EVA1A: variants seen among roughly 807,000 people sequenced by gnomAD.
EVA1A encodes the protein protein eva-1 homolog A.
EVA1A carries 7 observed loss-of-function variants against 9.8 expected under a neutral mutation model. The observed-to-expected ratio is 0.71, with a 90% confidence interval of 0.41 to 1.34. The LOEUF is 1.34. Among genes scored for constraint, EVA1A ranks in the 40% most tolerant of loss-of-function variants. The pLI, the probability that EVA1A is intolerant of heterozygous loss-of-function variation, is 0.01. For synonymous variants in EVA1A, 90 were observed against 85.6 expected (o/e 1.05, Z -0.28); for missense variants, 206 against 205.9 (o/e 1.00, Z 0.00).
At chr2:75,496,688 A>G (rs958698286) in intron 3 of EVA1A, among the ~76,000 whole-genome samples, 1 of 152,234 alleles carries the variant, frequency 6.6e-6, no homozygotes, top group South Asian at 2.1e-4. Context: ...AAATGATTCT[A>G]AAACTCATAT....
At chr2:75,511,264 G>A (rs1017389415) in intron 3 of EVA1A, among the ~76,000 whole-genome samples, 7 of 152,096 alleles carry the variant, frequency 4.6e-5, no homozygotes, top group African/African-American at 1.7e-4. Flanking sequence ...CACATACTTT[G>A]TTCCCACAGT....
intron 3 of EVA1A, among the ~76,000 whole-genome samples, chr2:75,501,188 T>A (rs1276810560): frequency 6.6e-6 from 1 of 152,174 alleles, no homozygotes; most frequent in Non-Finnish European, 1.5e-5. Context: ...TTCATGTTCA[T>A]CCCTGACTCC....
intron 3 of EVA1A, among the ~76,000 whole-genome samples, chr2:75,517,149 G>C (rs1236069846): frequency 6.6e-6 from 1 of 151,822 alleles, no homozygotes; most frequent in East Asian, 1.9e-4. Flanking sequence ...TTGGCTCATG[G>C]AACCCTCCAC....
intron 3 of EVA1A, among the ~76,000 whole-genome samples, chr2:75,516,886 A>G (rs527282758): frequency 2.8e-4 from 43 of 152,288 alleles, no homozygotes; most frequent in African/African-American, 6.0e-4. Flanking sequence ...GCCTTGAAGC[A>G]AGAGCAAAGA....
At chr2:75,561,041 G>C (rs1359705441), upstream of EVA1A, 3 of 150,242 alleles carry the variant, frequency 2.0e-5, no homozygotes, top group Non-Finnish European at 4.4e-5. Flanking sequence ...GCAAGCCAGC[G>C]GCCCATGTGG....
intron 1 of EVA1A, among the ~76,000 whole-genome samples, chr2:75,527,926 G>T (rs34403624): frequency 3.3e-5 from 5 of 152,190 alleles, no homozygotes; most frequent in Non-Finnish European, 5.9e-5. Context: ...GTCAGTGCCC[G>T]AAGTGAGGGG....
In EVA1A at chr2:75,493,160, T is replaced by C; in HGVS notation, c.*76A>G. On this transcript the variant is annotated 3_prime_UTR_variant, in exon 4 of 4. Transcript: ENST00000393913. ...ACAATATTAGCAGAGCTGGGTTCAG[T>C]TCCTTGTGCCCACTGTCCCTGCAGA... 6.6e-7 allele frequency: 1 copy of C among 1,521,304 alleles called. No individual in the cohort carries two copies. Among genetic ancestry groups the C allele is most frequent in the Non-Finnish European group, 8.8e-7 (1 of 1,133,590 alleles). 94.2% of individuals were successfully genotyped at this position (1,521,304 alleles called of 1,614,324 possible). A position where few individuals can be genotyped will look rare whatever the true frequency, so the allele number is the denominator to read the frequency against.
At chr2:75,528,488 T>C (rs546773645) in intron 1 of EVA1A, among the ~76,000 whole-genome samples, 1 of 152,260 alleles carries the variant, frequency 6.6e-6, no homozygotes, top group South Asian at 2.1e-4. Flanking sequence ...GTGAGGTCTG[T>C]CACTGCCGGC....
chr2:75,513,309 A>G (rs1208572258), intron 3 of EVA1A, among the ~76,000 whole-genome samples: 1 of 152,194 alleles, frequency 6.6e-6, no homozygotes, highest in African/African-American at 2.4e-5. Context: ...GCAAATTTTC[A>G]GTATACTATA....
At chr2:75,551,366 A>G (rs887674290) in intron 1 of EVA1A, among the ~76,000 whole-genome samples, 1 of 152,176 alleles carries the variant, frequency 6.6e-6, no homozygotes, top group Admixed American at 6.5e-5. Flanking sequence ...CAAGTCGTCA[A>G]TAGCTTTGGA....
chr2:75,535,431 A>T (rs1321445029), intron 1 of EVA1A, among the ~76,000 whole-genome samples: 6 of 152,200 alleles, frequency 3.9e-5, no homozygotes, highest in African/African-American at 1.4e-4. Context: ...AAGCAATCCC[A>T]CTACTGGGTA....
chr2:75,518,888 A>G (rs1320278502), intron 2 of EVA1A: 1 of 983,258 alleles, frequency 1.0e-6, no homozygotes, highest in Non-Finnish European at 1.2e-6. Flanking sequence ...GAACTGCCAA[A>G]GCAGTTCTCA....
At chr2:75,529,356 C>A (rs2103886303) in intron 1 of EVA1A, among the ~76,000 whole-genome samples, 1 of 152,254 alleles carries the variant, frequency 6.6e-6, no homozygotes, top group East Asian at 1.9e-4. Flanking sequence ...AGAATGTCAA[C>A]AAAGAAACAA....
chr2:75,498,090 T>C (rs922838544), intron 3 of EVA1A, among the ~76,000 whole-genome samples: 2 of 152,022 alleles, frequency 1.3e-5, no homozygotes, highest in African/African-American at 4.8e-5. Context: ...TAGGTGCCCA[T>C]CAAGAGAGGA....
At chr2:75,514,581 C>T (rs952661865) in intron 3 of EVA1A, among the ~76,000 whole-genome samples, 1 of 151,922 alleles carries the variant, frequency 6.6e-6, no homozygotes, top group African/African-American at 2.4e-5. Flanking sequence ...AATACATATA[C>T]CTTCACCTAC....
intron 1 of EVA1A, among the ~76,000 whole-genome samples, chr2:75,527,271 C>A (rs1343389798): frequency 6.6e-6 from 1 of 152,206 alleles, no homozygotes; most frequent in Non-Finnish European, 1.5e-5. Flanking sequence ...AACACCCTTG[C>A]CAGAGTGATG....
chr2:75,514,355 C>T (rs932780138), intron 3 of EVA1A, among the ~76,000 whole-genome samples: 2 of 152,060 alleles, frequency 1.3e-5, no homozygotes, highest in Non-Finnish European at 2.9e-5. Flanking sequence ...CTATTCTAGG[C>T]TGGAGTGAAT....
chr2:75,502,160 G>A (rs1021851214), intron 3 of EVA1A, among the ~76,000 whole-genome samples: 4 of 152,192 alleles, frequency 2.6e-5, no homozygotes, highest in Non-Finnish European at 4.4e-5. Context: ...TAGTAGGTTA[G>A]AAATAAATTT....
chr2:75,541,578 T>C (rs1676120211), intron 1 of EVA1A, among the ~76,000 whole-genome samples: 1 of 152,152 alleles, frequency 6.6e-6, no homozygotes, highest in African/African-American at 2.4e-5. Context: ...TGGTCCTAAC[T>C]AGGAGGAGTG....
Sources: allele counts gnomAD v4.1 joint callset (sites outside exome capture counted in the v4.1 genomes callset), GRCh38; gene constraint gnomAD v4.1.1; transcripts MANE v1.5; gene names NCBI Gene and HGNC (gene_info 2026-07-23, HGNC 2026-07-21).